SLC20A2: variants seen among roughly 807,000 people sequenced by gnomAD.
SLC20A2 encodes sodium-dependent phosphate transporter 2.
SLC20A2 carries 30 observed loss-of-function variants against 61.0 expected under a neutral mutation model. That is an observed-to-expected ratio of 0.49 (90% CI 0.37 to 0.67). The LOEUF (loss-of-function observed/expected upper bound fraction) is 0.67. SLC20A2 is among the 30% of genes least tolerant of loss of function. SLC20A2 has a pLI of 0.00. For missense variants in SLC20A2, 626 were observed against 866.4 expected (o/e 0.72, Z 3.48); for synonymous variants, 351 against 353.3 (o/e 0.99, Z 0.07).
chr8:42,462,835 C>T (rs1472868173), intron 4 of SLC20A2, among the ~76,000 whole-genome samples, 170 bp downstream of exon 4: 1 of 152,168 alleles, frequency 6.6e-6, no homozygotes, highest in Non-Finnish European at 1.5e-5. Flanking sequence ...GGGTAATTTA[C>T]CTTGGCTCTT....
chr8:42,463,666 T>C (rs1007557280), intron 3 of SLC20A2, among the ~76,000 whole-genome samples: 3 of 152,002 alleles, frequency 2.0e-5, no homozygotes, highest in South Asian at 2.1e-4. Context: ...ATTTAAAAGG[T>C]TGGGAATGGG....
Position 42,428,886 on chromosome 8 carries a change from A to G in SLC20A2, c.1710-44T>C, listed in dbSNP as rs374411565. 138 of 1,486,732 alleles carry G rather than the reference A, an allele frequency of 9.3e-5. 2 individuals are homozygous for G. The Middle Eastern group carries it at 1.1e-3, about 11-fold the overall frequency. The allele number at this position is 1,486,732 out of a possible 1,614,324, so 92.1% of individuals were successfully genotyped here. ...ACACGTCACAGGTGCCCTCTGTATC[A>G]GCCTCCCTGACACCCCGTGGGTGCT... On this transcript the variant is annotated intron_variant, in intron 9 of 10. Transcript: ENST00000520262.
intron 5 of SLC20A2, among the ~76,000 whole-genome samples, chr8:42,455,248 A>ATG (rs1806081622): frequency 1.0e-5 from 1 of 99,378 alleles, no homozygotes; most frequent in Non-Finnish European, 2.3e-5. Flanking sequence ...AAAAATATAT[A>ATG]TATATATATA....
At position 42,444,771 on chromosome 8, in the gene SLC20A2, G is replaced by A; in HGVS notation, c.614-9C>T. On this transcript the variant is annotated splice_polypyrimidine_tract_variant and intron_variant, in intron 5 of 10. Coordinates refer to ENST00000520262, the MANE Select transcript of SLC20A2 (RefSeq NM_001257180.2). Reference sequence around the variant, plus strand: ...GAGAACAAGGCCGAGCACTGGGAAGGAAAATGAGAAGCAGTGTCATTACTG... The same window carrying A: ...GAGAACAAGGCCGAGCACTGGGAAGAAAAATGAGAAGCAGTGTCATTACTG... 4 of 1,604,962 alleles carry A rather than the reference G, an allele frequency of 2.5e-6. No homozygotes were observed. Among genetic ancestry groups the A allele is most frequent in the Non-Finnish European group, 3.4e-6 (4 of 1,172,056 alleles).
chr8:42,455,872 C>G (rs1407817612), intron 5 of SLC20A2, among the ~76,000 whole-genome samples: 2 of 152,096 alleles, frequency 1.3e-5, no homozygotes, highest in African/African-American at 4.8e-5. Flanking sequence ...CTCAGTTTCC[C>G]ACCTGTAAAA....
intron 1 of SLC20A2, among the ~76,000 whole-genome samples, chr8:42,525,287 T>A (rs1811848131): frequency 6.6e-6 from 1 of 151,948 alleles, no homozygotes; most frequent in Admixed American, 6.6e-5. Context: ...ACATATCACA[T>A]GAAATGTAAA....
At chr8:42,439,144 C>T (rs1322430794) in intron 7 of SLC20A2, among the ~76,000 whole-genome samples, 1 of 152,210 alleles carries the variant, frequency 6.6e-6, no homozygotes, top group Non-Finnish European at 1.5e-5. Flanking sequence ...TCGATAACTC[C>T]TGGGGCATGG....
upstream of SLC20A2, among the ~76,000 whole-genome samples, chr8:42,505,794 G>A (rs1475063386): frequency 2.0e-5 from 3 of 151,888 alleles, no homozygotes; most frequent in African/African-American, 7.3e-5. Flanking sequence ...GGGAGGCTGA[G>A]GCATGAGAAT....
intron 6 of SLC20A2, among the ~76,000 whole-genome samples, chr8:42,443,206 T>A (rs1264251401): frequency 1.4e-5 from 2 of 143,192 alleles, no homozygotes; most frequent in African/African-American, 5.1e-5. Flanking sequence ...TATAGTATAA[T>A]TGTATTATAC....
chr8:42,515,711 C>A (rs902523786), intron 1 of SLC20A2, among the ~76,000 whole-genome samples: 3 of 152,148 alleles, frequency 2.0e-5, no homozygotes, highest in Non-Finnish European at 4.4e-5. Context: ...GTAACCCCCA[C>A]CCCAACAGTT....
intron 5 of SLC20A2, among the ~76,000 whole-genome samples, chr8:42,451,971 AGAT>A (rs1805721615): frequency 8.5e-6 from 1 of 117,074 alleles, no homozygotes; most frequent in South Asian, 3.6e-4. Flanking sequence ...GAGGAGGAAG[AGAT>A]GAAGAGGAGG....
chr8:42,444,165 G>C (rs1456040939), intron 6 of SLC20A2, among the ~76,000 whole-genome samples: 1 of 152,166 alleles, frequency 6.6e-6, no homozygotes, highest in East Asian at 1.9e-4. Flanking sequence ...GGCTCACATG[G>C]TAAGTGTAAG....
chr8:42,508,923 T>C (rs964764934), intron 1 of SLC20A2, among the ~76,000 whole-genome samples: 1 of 152,214 alleles, frequency 6.6e-6, no homozygotes, highest in South Asian at 2.1e-4. Flanking sequence ...GAAAGTGGCA[T>C]CTGCAGCAAG....
chr8:42,473,673 G>A (rs559796774), intron 1 of SLC20A2, among the ~76,000 whole-genome samples: 9 of 152,232 alleles, frequency 5.9e-5, no homozygotes, highest in African/African-American at 2.2e-4. Context: ...TGCAAGCTTC[G>A]TAATTATGGT....
intron 1 of SLC20A2, among the ~76,000 whole-genome samples, chr8:42,485,688 C>T (rs1808933768): frequency 6.7e-6 from 1 of 150,116 alleles, no homozygotes; most frequent in Admixed American, 6.6e-5. Flanking sequence ...TGGCTCACAC[C>T]TGTAATCCCA....
intron 1 of SLC20A2, among the ~76,000 whole-genome samples, chr8:42,509,548 C>T (rs188164473): frequency 1.3e-5 from 2 of 151,810 alleles, no homozygotes. Flanking sequence ...GTCTGGGCAA[C>T]ATAGTGAGAT....
At chr8:42,442,208 C>T (rs1198537279) in intron 6 of SLC20A2, among the ~76,000 whole-genome samples, 3 of 152,250 alleles carry the variant, frequency 2.0e-5, no homozygotes, top group East Asian at 3.8e-4. Flanking sequence ...TCTGGGATTA[C>T]AGGCGTGAGC....
chr8:42,458,452 C>T (rs1806378260), intron 5 of SLC20A2, among the ~76,000 whole-genome samples: 2 of 151,230 alleles, frequency 1.3e-5, no homozygotes, highest in Non-Finnish European at 2.9e-5. Flanking sequence ...ATAGAGACCC[C>T]ATCTCTACAA....
At chr8:42,527,537 G>T (rs551088315) in intron 1 of SLC20A2, among the ~76,000 whole-genome samples, 2 of 152,114 alleles carry the variant, frequency 1.3e-5, no homozygotes, top group African/African-American at 4.8e-5. Context: ...TAGCACTTTG[G>T]GGGGCTGAGG....
Sources: allele counts gnomAD v4.1 joint callset (sites outside exome capture counted in the v4.1 genomes callset), GRCh38; gene constraint gnomAD v4.1.1; transcripts MANE v1.5; gene names NCBI Gene and HGNC (gene_info 2026-07-23, HGNC 2026-07-21).